RBFOX1: variants seen among roughly 807,000 people sequenced by gnomAD.
RBFOX1 encodes the protein RNA binding protein fox-1 homolog 1.
In RBFOX1, 8 loss-of-function variants were observed where a neutral mutation model predicts 57.7. The ratio of observed to expected loss-of-function variants is 0.14; its 90% CI spans 0.08 to 0.25. RBFOX1 has a LOEUF of 0.25. Among genes scored for constraint, RBFOX1 ranks in the 10% least tolerant of loss-of-function variants. RBFOX1 has a pLI of 1.00. For missense variants in RBFOX1, 611 were observed against 548.5 expected (o/e 1.11, Z -1.14); for synonymous variants, 326 against 222.4 (o/e 1.47, Z -4.15).
intron 4 of RBFOX1, among the ~76,000 whole-genome samples, chr16:7,256,264 C>T (rs1469002849): frequency 1.3e-5 from 2 of 152,176 alleles, no homozygotes; most frequent in African/African-American, 2.4e-5. Context: ...AAAAGCCAGG[C>T]CTCTGGGGTT....
At chr16:7,367,478 G>A (rs545239474) in intron 4 of RBFOX1, among the ~76,000 whole-genome samples, 3 of 152,254 alleles carry the variant, frequency 2.0e-5, no homozygotes, top group African/African-American at 4.8e-5. Context: ...AAATGTGTAC[G>A]TGGCCTCTCA....
At chr16:6,493,146 C>G (rs2095672046) in intron 2 of RBFOX1, among the ~76,000 whole-genome samples, 1 of 152,128 alleles carries the variant, frequency 6.6e-6, no homozygotes, top group Non-Finnish European at 1.5e-5. Context: ...AGCTTAGATA[C>G]CAACATAGGT....
Position 6,102,007 on chromosome 16 carries a change from C to T in RBFOX1, c.-127+82015C>T, listed in dbSNP as rs146146547. On this transcript the variant is annotated intron_variant, in intron 1 of 15. Coordinates refer to ENST00000550418, the MANE Select transcript of RBFOX1 (RefSeq NM_018723.4). ...TTGATCACATTTCTTGAGAGTTTCA[C>T]ATTCTAATAATTAAAACCCAAAATG... 4.6e-5 allele frequency among the ~76,000 whole-genome samples: 7 copies of T among 152,230 alleles called. No homozygotes were observed. The East Asian group carries it at 1.4e-3, about 29-fold the overall frequency.
intron 1 of RBFOX1, among the ~76,000 whole-genome samples, chr16:6,181,884 C>T (rs750804316): frequency 7.9e-5 from 12 of 151,706 alleles, no homozygotes; most frequent in South Asian, 2.1e-4. Context: ...TCCTTCCAGC[C>T]GTGGCAATAT....
In RBFOX1 at chr16:6,453,669, C is replaced by T. The variant is rs144691864; in HGVS notation, c.-64+136612C>T. On this transcript the variant is annotated intron_variant, in intron 2 of 15. Transcript: ENST00000550418. ...AACAATAGAAAAAGAGGGACTCCTCCGTAACTCATTTTATGGAAGCCCCTG... is the reference window on the plus strand; with the variant it reads ...AACAATAGAAAAAGAGGGACTCCTCTGTAACTCATTTTATGGAAGCCCCTG... Among the ~76,000 whole-genome samples the T allele has an allele frequency of 2.4e-3, 363 of 152,118 alleles. 1 individual carries two copies. The highest frequency in any genetic ancestry group is 8.2e-3 in the African/African-American group (341 of 41,510).
chr16:6,230,819 G>C (rs2097453621), intron 1 of RBFOX1, among the ~76,000 whole-genome samples: 1 of 152,190 alleles, frequency 6.6e-6, no homozygotes. Flanking sequence ...CAAAGAGATG[G>C]AATAGAAATG....
At chr16:6,496,329 A>C (rs1384045429) in intron 2 of RBFOX1, among the ~76,000 whole-genome samples, 1 of 152,186 alleles carries the variant, frequency 6.6e-6, no homozygotes, top group Non-Finnish European at 1.5e-5. Flanking sequence ...CTTCATTCAC[A>C]GGCTTCAACT....
At chr16:6,870,409 T>C (rs1355346188) in intron 3 of RBFOX1, among the ~76,000 whole-genome samples, 1 of 152,208 alleles carries the variant, frequency 6.6e-6, no homozygotes, top group Non-Finnish European at 1.5e-5. Flanking sequence ...TTTCAGCAAG[T>C]CTTACCTCAC....
chr16:6,186,375 G>A (rs2097105188), intron 1 of RBFOX1, among the ~76,000 whole-genome samples: 1 of 152,136 alleles, frequency 6.6e-6, no homozygotes, highest in African/African-American at 2.4e-5. Flanking sequence ...AAATAGAGAG[G>A]ATCATCTGCA....
At chr16:6,824,512 T>C (rs2091843977) in intron 3 of RBFOX1, among the ~76,000 whole-genome samples, 1 of 152,206 alleles carries the variant, frequency 6.6e-6, no homozygotes, top group Non-Finnish European at 1.5e-5. Context: ...TATTTCATTT[T>C]TTAAAAATTA....
intron 1 of RBFOX1, among the ~76,000 whole-genome samples, chr16:5,323,334 A>G (rs926904574): frequency 6.6e-6 from 1 of 152,180 alleles, no homozygotes; most frequent in African/African-American, 2.4e-5. Context: ...CCATTTTACC[A>G]AAAAGCATGG....
chr16:5,345,067 G>C (rs1265659979), intron 1 of RBFOX1, among the ~76,000 whole-genome samples: 4 of 152,182 alleles, frequency 2.6e-5, no homozygotes, highest in African/African-American at 9.7e-5. Context: ...CTTTTGTCAA[G>C]GATCCTCAGA....
At chr16:5,552,036 C>T (rs2045485676) in intron 2 of RBFOX1, among the ~76,000 whole-genome samples, 1 of 152,134 alleles carries the variant, frequency 6.6e-6, no homozygotes, top group African/African-American at 2.4e-5. Flanking sequence ...CTTTTCTAAG[C>T]TCTGGTTTCC....
chr16:7,291,485 A>G (rs1313107801), intron 4 of RBFOX1, among the ~76,000 whole-genome samples: 1 of 152,212 alleles, frequency 6.6e-6, no homozygotes, highest in Admixed American at 6.5e-5. Context: ...AGAGTTAAAA[A>G]TGATACAATT....
intron 4 of RBFOX1, among the ~76,000 whole-genome samples, chr16:7,260,286 G>C (rs992103442): frequency 6.6e-6 from 1 of 152,168 alleles, no homozygotes; most frequent in African/African-American, 2.4e-5. Context: ...CAGATATCCA[G>C]ACATGCTTCA....
intron 2 of RBFOX1, among the ~76,000 whole-genome samples, chr16:6,560,089 A>G (rs1057301131): frequency 2.0e-5 from 3 of 151,816 alleles, no homozygotes; most frequent in African/African-American, 7.2e-5. Flanking sequence ...AGAAGGATAT[A>G]TAACCATCTG....
chr16:5,404,601 C>T (rs921008126), intron 1 of RBFOX1, among the ~76,000 whole-genome samples: 1 of 152,208 alleles, frequency 6.6e-6, no homozygotes, highest in African/African-American at 2.4e-5. Context: ...CCTTTCTTCA[C>T]CTGATGGTTC....
intron 2 of RBFOX1, among the ~76,000 whole-genome samples, chr16:5,524,666 A>C (rs8055440): frequency 2.0e-5 from 3 of 150,962 alleles, no homozygotes; most frequent in Non-Finnish European, 4.4e-5. Flanking sequence ...TCAGCCTTCC[A>C]AGTAGCCGGG....
chr16:7,505,186 C>T (rs1001993380), intron 4 of RBFOX1, among the ~76,000 whole-genome samples: 8 of 149,228 alleles, frequency 5.4e-5, no homozygotes, highest in African/African-American at 1.3e-4. Context: ...TGTGTGTGCT[C>T]GCATGTGTGT....
Sources: allele counts gnomAD v4.1 joint callset (sites outside exome capture counted in the v4.1 genomes callset), GRCh38; gene constraint gnomAD v4.1.1; transcripts MANE v1.5; gene names NCBI Gene and HGNC (gene_info 2026-07-23, HGNC 2026-07-21).